DSCAM: variants seen among roughly 807,000 people sequenced by gnomAD.
DSCAM encodes cell adhesion molecule DSCAM.
DSCAM carries 47 observed loss-of-function variants against 217.7 expected under a neutral mutation model. The observed-to-expected ratio is 0.22, with a 90% CI of 0.17 to 0.28. The LOEUF (loss-of-function observed/expected upper bound fraction) is 0.28. Ranked by LOEUF, DSCAM falls within the 10% of genes least tolerant of loss-of-function variation. DSCAM has a pLI of 1.00. For synonymous variants in DSCAM, 1,056 were observed against 1,015.3 expected (o/e 1.04, Z -0.76); for missense variants, 2,080 against 2,618.3 (o/e 0.79, Z 4.49).
At chr21:40,352,501 A>G (rs914044853) in intron 5 of DSCAM, among the ~76,000 whole-genome samples, 9 of 151,268 alleles carry the variant, frequency 5.9e-5, no homozygotes, top group Non-Finnish European at 1.2e-4. Flanking sequence ...ATATTCTCTT[A>G]GGCTGGTGTT....
intron 9 of DSCAM, among the ~76,000 whole-genome samples, chr21:40,306,878 A>G (rs948430938): frequency 6.6e-6 from 1 of 151,926 alleles, no homozygotes; most frequent in Non-Finnish European, 1.5e-5. Context: ...ATCAATGTTC[A>G]TCAAGGATAT....
chr21:40,363,816 C>G (rs1398876417), intron 4 of DSCAM, among the ~76,000 whole-genome samples: 11 of 152,250 alleles, frequency 7.2e-5, no homozygotes, highest in African/African-American at 2.2e-4. Flanking sequence ...CTACAATGAA[C>G]TCAAACAAAT....
At chr21:40,428,966 T>G (rs1372338358) in intron 3 of DSCAM, among the ~76,000 whole-genome samples, 1 of 152,122 alleles carries the variant, frequency 6.6e-6, no homozygotes, top group African/African-American at 2.4e-5. Flanking sequence ...TGTAACCCCT[T>G]GCAGCATGGC....
intron 3 of DSCAM, among the ~76,000 whole-genome samples, chr21:40,456,998 A>T (rs570224574): frequency 6.6e-6 from 1 of 152,334 alleles, no homozygotes; most frequent in South Asian, 2.1e-4. Flanking sequence ...AATTACTGTA[A>T]CAAAAGTCCA....
intron 3 of DSCAM, among the ~76,000 whole-genome samples, chr21:40,419,492 C>T (rs1347596046): frequency 6.6e-6 from 1 of 152,070 alleles, no homozygotes; most frequent in African/African-American, 2.4e-5. Flanking sequence ...GTTTCATCAT[C>T]CAAGGTCAAT....
chr21:40,265,567 G>T (rs1303906974), intron 11 of DSCAM, among the ~76,000 whole-genome samples: 2 of 151,882 alleles, frequency 1.3e-5, no homozygotes, highest in Non-Finnish European at 2.9e-5. Context: ...TTTATTCTTA[G>T]AATCACATTA....
At chr21:40,348,033 G>C in intron 5 of DSCAM, 88 bp from the exon 6 acceptor site, 1 of 1,419,218 alleles carries the variant, frequency 7.0e-7, no homozygotes, top group Non-Finnish European at 9.4e-7. Flanking sequence ...AACAAAGCAA[G>C]TGCATCACGC....
intron 3 of DSCAM, among the ~76,000 whole-genome samples, chr21:40,691,303 C>T (rs1172204570): frequency 6.6e-6 from 1 of 152,196 alleles, no homozygotes; most frequent in Non-Finnish European, 1.5e-5. Context: ...CCAGAGCAGA[C>T]CATGAAGCTG....
intron 30 of DSCAM, among the ~76,000 whole-genome samples, chr21:40,049,675 T>C (rs1248459216): frequency 6.6e-6 from 1 of 152,230 alleles, no homozygotes; most frequent in Non-Finnish European, 1.5e-5. Context: ...TTTTGAGTGC[T>C]GAATGAACGC....
Position 40,437,767 on chromosome 21 carries a change from T to C in DSCAM, c.509-68522A>G, listed in dbSNP as rs571824649. ...TCGGGAGGCTGAGGCAGAGAATTACTGGAACCTGGGAGGCAGAGGTTGCAG... is the reference window on the plus strand; with the variant it reads ...TCGGGAGGCTGAGGCAGAGAATTACCGGAACCTGGGAGGCAGAGGTTGCAG... On this transcript the variant is annotated intron_variant, in intron 3 of 32. Coordinates refer to ENST00000400454, the MANE Select transcript of DSCAM (RefSeq NM_001389.5). Among the ~76,000 whole-genome samples the C allele has an allele frequency of 7.4e-4, 112 of 152,232 alleles. 3 individuals are homozygous for C. In the South Asian group the frequency reaches 0.021, roughly 29 times the overall value.
chr21:40,798,436 A>G (rs1293956376), intron 1 of DSCAM, among the ~76,000 whole-genome samples: 1 of 152,162 alleles, frequency 6.6e-6, no homozygotes, highest in Non-Finnish European at 1.5e-5. Flanking sequence ...TGACCTTTGA[A>G]GATTATACAT....
chr21:40,692,991 C>T (rs369436960), intron 2 of DSCAM, 35 bp from the exon 3 acceptor site: 243 of 1,586,090 alleles, frequency 1.5e-4, no homozygotes, highest in East Asian at 1.2e-3. Context: ...GTAAGGCACA[C>T]GGTCAACAGG....
At chr21:40,178,582 AAC>A (rs1289677852) in intron 15 of DSCAM, among the ~76,000 whole-genome samples, 1 of 152,196 alleles carries the variant, frequency 6.6e-6, no homozygotes, top group African/African-American at 2.4e-5. Flanking sequence ...TCAGGAAAGA[AAC>A]ACACTCACGG....
intron 29 of DSCAM, among the ~76,000 whole-genome samples, chr21:40,055,062 G>A (rs1022165062): frequency 6.6e-5 from 10 of 152,168 alleles, no homozygotes; most frequent in Non-Finnish European, 1.3e-4. Flanking sequence ...GCAGTGTGGG[G>A]TAATGGACTT....
intron 3 of DSCAM, among the ~76,000 whole-genome samples, chr21:40,510,260 A>G (rs1469220667): frequency 6.6e-6 from 1 of 152,202 alleles, no homozygotes; most frequent in Non-Finnish European, 1.5e-5. Context: ...TTCTAAAAAA[A>G]AGACTATGAA....
chr21:40,540,782 G>A (rs2076537141), intron 3 of DSCAM, among the ~76,000 whole-genome samples: 3 of 151,970 alleles, frequency 2.0e-5, no homozygotes, highest in East Asian at 1.9e-4. Flanking sequence ...ACTTCAATCC[G>A]TTTTTAATGC....
chr21:40,205,721 T>C (rs900500978), intron 11 of DSCAM, among the ~76,000 whole-genome samples: 1 of 152,200 alleles, frequency 6.6e-6, no homozygotes, highest in Admixed American at 6.5e-5. Context: ...AAATATCTCC[T>C]TGATCATGTC....
chr21:40,140,504 T>C (rs1029345852), intron 18 of DSCAM, among the ~76,000 whole-genome samples: 12 of 152,202 alleles, frequency 7.9e-5, no homozygotes, highest in Admixed American at 2.0e-4. Context: ...CACTGGATTC[T>C]GAAATATTTC....
intron 16 of DSCAM, among the ~76,000 whole-genome samples, chr21:40,154,180 T>TC (rs562493859): frequency 5.5e-4 from 83 of 149,986 alleles, no homozygotes; most frequent in African/African-American, 1.9e-3. Flanking sequence ...TCTCCTTTCT[T>TC]CTTCCTTCCT....
Sources: gnomAD v4.1 joint callset for allele counts (sites outside exome capture counted in the v4.1 genomes callset) on GRCh38, gnomAD v4.1.1 for gene constraint, MANE v1.5 for transcripts, NCBI Gene and HGNC (gene_info 2026-07-23, HGNC 2026-07-21) for gene names.